NXPH1: variants seen among roughly 807,000 people sequenced by gnomAD.
The protein encoded by NXPH1 is neurexophilin 1.
Under a neutral mutation model 23.7 loss-of-function variants are expected in NXPH1, and 5 were observed. That is an observed-to-expected ratio of 0.21 (90% CI 0.11 to 0.44). The LOEUF (loss-of-function observed/expected upper bound fraction) is 0.44. NXPH1 is among the 20% of genes least tolerant of loss of function. NXPH1 has a pLI of 0.99. For synonymous variants in NXPH1, 144 were observed against 122.2 expected (o/e 1.18, Z -1.18); for missense variants, 324 against 321.6 (o/e 1.01, Z -0.06).
At chr7:8,455,387 G>A (rs1816577951) in intron 2 of NXPH1, among the ~76,000 whole-genome samples, 1 of 152,136 alleles carries the variant, frequency 6.6e-6, no homozygotes, top group Non-Finnish European at 1.5e-5. Flanking sequence ...GTGTCTTGGT[G>A]CATAATCTCT....
At chr7:8,485,610 G>T (rs896597559) in intron 2 of NXPH1, among the ~76,000 whole-genome samples, 3 of 152,110 alleles carry the variant, frequency 2.0e-5, no homozygotes, top group Non-Finnish European at 2.9e-5. Flanking sequence ...TAGGGGTGGA[G>T]GTGGGATAGA....
chr7:8,657,020 G>C (rs1334235210), intron 2 of NXPH1, among the ~76,000 whole-genome samples: 3 of 152,122 alleles, frequency 2.0e-5, no homozygotes, highest in African/African-American at 4.8e-5. Flanking sequence ...TTCCACAGCT[G>C]GTGGATCTTT....
intron 2 of NXPH1, among the ~76,000 whole-genome samples, chr7:8,594,359 G>C (rs115165579): frequency 2.2e-3 from 337 of 152,160 alleles, no homozygotes; most frequent in African/African-American, 7.7e-3. Context: ...TGTCATTGTT[G>C]ACGATGGTAA....
At chr7:8,711,963 T>C (rs966287924) in intron 2 of NXPH1, among the ~76,000 whole-genome samples, 6 of 152,220 alleles carry the variant, frequency 3.9e-5, no homozygotes, top group African/African-American at 1.4e-4. Context: ...GGCAATTATG[T>C]TCACATTATC....
At chr7:8,561,351 GACACACACACACAC>G (rs61219039) in intron 2 of NXPH1, among the ~76,000 whole-genome samples, 1 of 140,966 alleles carries the variant, frequency 7.1e-6, no homozygotes, top group Non-Finnish European at 1.5e-5. Flanking sequence ...AAGCCTATGT[GACACACACACACAC>G]ACACACACAC....
intron 2 of NXPH1, among the ~76,000 whole-genome samples, chr7:8,499,363 A>C (rs1055058326): frequency 3.9e-5 from 6 of 152,040 alleles, no homozygotes; most frequent in Admixed American, 2.6e-4. Flanking sequence ...CAGTGCTCCA[A>C]GACTACTTTC....
At chr7:8,677,753 A>T (rs1820974710) in intron 2 of NXPH1, among the ~76,000 whole-genome samples, 1 of 152,204 alleles carries the variant, frequency 6.6e-6, no homozygotes, top group South Asian at 2.1e-4. Context: ...AGATTAATTT[A>T]GCTATGAACA....
intron 2 of NXPH1, among the ~76,000 whole-genome samples, chr7:8,738,862 G>A (rs905230464): frequency 5.3e-5 from 8 of 152,124 alleles, no homozygotes; most frequent in Non-Finnish European, 1.0e-4. Flanking sequence ...GCTACAGTAG[G>A]TTTGCTGAGC....
intron 2 of NXPH1, among the ~76,000 whole-genome samples, chr7:8,651,061 C>T (rs894224910): frequency 6.7e-6 from 1 of 149,960 alleles, no homozygotes; most frequent in Non-Finnish European, 1.5e-5. Flanking sequence ...CATGCTGGTG[C>T]GCTGCACCCA....
chr7:8,466,400 T>G (rs547333506), intron 2 of NXPH1, among the ~76,000 whole-genome samples: 5 of 152,250 alleles, frequency 3.3e-5, no homozygotes, highest in African/African-American at 4.8e-5. Flanking sequence ...ACCAGTGATG[T>G]ATGGAAGCAC....
chr7:8,653,131 G>A (rs10236001), intron 2 of NXPH1, among the ~76,000 whole-genome samples: 107,511 of 151,812 alleles, frequency 0.71, 38,782 homozygotes, highest in East Asian at 1. Flanking sequence ...TTTTTTCAAG[G>A]CTTTGATGGT....
chr7:8,451,918 G>C (rs1321169896), intron 2 of NXPH1, among the ~76,000 whole-genome samples: 1 of 152,200 alleles, frequency 6.6e-6, no homozygotes, highest in Non-Finnish European at 1.5e-5. Flanking sequence ...GGACTTGGGT[G>C]CATAGGGTTC....
intron 2 of NXPH1, among the ~76,000 whole-genome samples, chr7:8,685,732 T>C (rs780222449): frequency 5.9e-5 from 9 of 151,748 alleles, no homozygotes; most frequent in Non-Finnish European, 8.8e-5. Context: ...CCAATTGAAC[T>C]CATCGATATA....
intron 2 of NXPH1, among the ~76,000 whole-genome samples, chr7:8,557,364 C>T (rs1818374567): frequency 6.6e-6 from 1 of 151,742 alleles, no homozygotes; most frequent in Non-Finnish European, 1.5e-5. Flanking sequence ...ATAACAATGT[C>T]AATCAACACC....
At chr7:8,658,197 A>G (rs556001212) in intron 2 of NXPH1, among the ~76,000 whole-genome samples, 8 of 152,352 alleles carry the variant, frequency 5.3e-5, no homozygotes, top group Non-Finnish European at 1.0e-4. Context: ...TTCTACATAA[A>G]GTTTGAATAA....
chr7:8,721,827 A>G (rs1201653847), intron 2 of NXPH1, among the ~76,000 whole-genome samples: 4 of 152,272 alleles, frequency 2.6e-5, no homozygotes, highest in Non-Finnish European at 5.9e-5. Context: ...CGAAAAAACC[A>G]TAAATCTCAT....
intron 2 of NXPH1, among the ~76,000 whole-genome samples, chr7:8,726,697 G>T (rs892406686): frequency 6.7e-6 from 1 of 148,778 alleles, no homozygotes; most frequent in Non-Finnish European, 1.5e-5. Context: ...AGTATTCCAT[G>T]GTGTATATGT....
chr7:8,658,734 T>C (rs1435628516), intron 2 of NXPH1, among the ~76,000 whole-genome samples: 6 of 152,188 alleles, frequency 3.9e-5, no homozygotes, highest in Non-Finnish European at 7.4e-5. Flanking sequence ...ATCGTCCTTC[T>C]TTTGGTTGCT....
At chr7:8,606,876 T>C (rs770294082) in intron 2 of NXPH1, among the ~76,000 whole-genome samples, 8 of 152,130 alleles carry the variant, frequency 5.3e-5, no homozygotes, top group Non-Finnish European at 1.0e-4. Context: ...TGAGAACATA[T>C]AGTTTCTTGA....
Sources: allele counts gnomAD v4.1 joint callset (sites outside exome capture counted in the v4.1 genomes callset), GRCh38; gene constraint gnomAD v4.1.1; transcripts MANE v1.5; gene names NCBI Gene and HGNC (gene_info 2026-07-23, HGNC 2026-07-21).